COP1: variants seen among roughly 807,000 people sequenced by gnomAD.
COP1 encodes the protein COP1 E3 ubiquitin ligase.
In COP1, 24 loss-of-function variants were observed where a neutral mutation model predicts 101.3. The ratio of observed to expected loss-of-function variants is 0.24; its 90% CI spans 0.17 to 0.33. The LOEUF (loss-of-function observed/expected upper bound fraction) is 0.33, where lower values mean the gene tolerates loss of function less well. Ranked by LOEUF, COP1 falls within the 10% of genes least tolerant of loss-of-function variation. COP1 has a pLI of 1.00. For synonymous variants in COP1, 347 were observed against 341.9 expected (o/e 1.01, Z -0.17); for missense variants, 663 against 906.2 (o/e 0.73, Z 3.45).
chr1:176,158,411 G>A (rs1356060815), intron 5 of COP1, among the ~76,000 whole-genome samples: 1 of 151,896 alleles, frequency 6.6e-6, no homozygotes, highest in Non-Finnish European at 1.5e-5. Flanking sequence ...TGAGGCTAAA[G>A]GAAAATAACA....
intron 1 of COP1, among the ~76,000 whole-genome samples, chr1:176,201,096 G>C (rs534021992): frequency 9.2e-5 from 14 of 152,178 alleles, no homozygotes; most frequent in Non-Finnish European, 1.6e-4. Context: ...ATGACTATCA[G>C]AGGAAATGCT....
At chr1:176,101,195 G>A (rs1683341589) in intron 9 of COP1, among the ~76,000 whole-genome samples, 1 of 152,116 alleles carries the variant, frequency 6.6e-6, no homozygotes. Context: ...ACACCCATGG[G>A]TGGCACCCTA....
chr1:176,022,374 C>T (rs1056071028), intron 15 of COP1, among the ~76,000 whole-genome samples: 10 of 152,082 alleles, frequency 6.6e-5, no homozygotes, highest in Non-Finnish European at 1.2e-4. Flanking sequence ...TTCTACCTCT[C>T]AAAACTCCAA....
chr1:176,101,888 A>G (rs912806140), intron 9 of COP1, among the ~76,000 whole-genome samples: 2 of 152,168 alleles, frequency 1.3e-5, no homozygotes, highest in African/African-American at 4.8e-5. Flanking sequence ...GTCAGCAGGA[A>G]GCAGTTAAGA....
intron 18 of COP1, among the ~76,000 whole-genome samples, chr1:175,971,398 T>C (rs1653207275): frequency 6.6e-6 from 1 of 152,214 alleles, no homozygotes; most frequent in Admixed American, 6.5e-5. Flanking sequence ...TAAGCAAATA[T>C]ACAAACAGAA....
intron 5 of COP1, among the ~76,000 whole-genome samples, chr1:176,161,344 C>T (rs1192697694): frequency 1.3e-5 from 2 of 152,020 alleles, no homozygotes; most frequent in Non-Finnish European, 2.9e-5. Context: ...ATCCCAGCAC[C>T]CTGGGAGGCT....
At chr1:175,954,015 G>A (rs1453154902) in intron 18 of COP1, among the ~76,000 whole-genome samples, 1 of 152,086 alleles carries the variant, frequency 6.6e-6, no homozygotes, top group African/African-American at 2.4e-5. Context: ...TCAAATGCAT[G>A]CGTACTAGTC....
chr1:176,077,555 G>A (rs1194759637), intron 11 of COP1, among the ~76,000 whole-genome samples: 2 of 152,042 alleles, frequency 1.3e-5, no homozygotes, highest in African/African-American at 2.4e-5. Context: ...ATAGTGAATG[G>A]GCAAAAGCTG....
At chr1:176,037,559 C>A (rs1669787293) in intron 14 of COP1, among the ~76,000 whole-genome samples, 1 of 147,728 alleles carries the variant, frequency 6.8e-6, no homozygotes, top group Non-Finnish European at 1.5e-5. Context: ...AAAAAACAAA[C>A]AAACAAAAAA....
chr1:176,034,978 C>G (rs915721530), intron 14 of COP1, among the ~76,000 whole-genome samples: 39 of 152,280 alleles, frequency 2.6e-4, no homozygotes, highest in Admixed American at 2.1e-3. Flanking sequence ...ATTTCCCACA[C>G]AATTTAAACA....
At position 176,081,294 on chromosome 1, in the gene COP1, G is replaced by GA. The variant is rs56720201; in HGVS notation, c.1142-8dup. The GA allele has an allele frequency of 0.084, 105,194 of 1,255,060 alleles. 117 individuals are homozygous for GA. Among genetic ancestry groups the GA allele is most frequent in the Non-Finnish European group, 0.09 (85,436 of 952,888 alleles). 77.7% of individuals were successfully genotyped at this position (1,255,060 alleles called of 1,614,324 possible). A position where few individuals can be genotyped will look rare whatever the true frequency, so the allele number is the denominator to read the frequency against. On this transcript the variant is annotated splice_region_variant and splice_polypyrimidine_tract_variant and intron_variant, in intron 10 of 19. Transcript: ENST00000367669. ...CTTGCAGTTCGACTGTCATCTATAT[G>GA]AAAAAAAAAAAAAAAAGACAAAACA...
At chr1:176,151,910 C>G (rs74127194) in intron 5 of COP1, among the ~76,000 whole-genome samples, 67 of 150,616 alleles carry the variant, frequency 4.4e-4, no homozygotes, top group African/African-American at 1.6e-3. Context: ...GTTCACTCTA[C>G]AACAGTTGTC....
intron 14 of COP1, among the ~76,000 whole-genome samples, chr1:176,033,703 G>A (rs375283072): frequency 2.6e-5 from 4 of 151,972 alleles, no homozygotes; most frequent in Admixed American, 6.5e-5. Context: ...ATGTAATTAC[G>A]TGCATATATA....
chr1:176,152,317 A>C (rs1351903174), intron 5 of COP1, among the ~76,000 whole-genome samples: 1 of 152,150 alleles, frequency 6.6e-6, no homozygotes, highest in East Asian at 1.9e-4. Context: ...AAAAACAATT[A>C]AAAATTGAAA....
chr1:176,027,527 AT>A lies in COP1; in HGVS notation c.1729+44del, dbSNP rs771395049. On this transcript the variant is annotated intron_variant, in intron 15 of 19. Transcript: ENST00000367669. ...AATGCTCTCCTATCCTTACCATGAT[AT>A]TTAACCAACATCAAAGGAAGACAAA... 4.2e-4 allele frequency: 461 copies of A among 1,108,822 alleles called. 5 individuals are homozygous for A. The highest frequency in any genetic ancestry group is 1.5e-3 in the South Asian group (124 of 80,822). The allele number at this position is 1,108,822 out of a possible 1,614,324, so 68.7% of individuals were successfully genotyped here.
chr1:176,084,851 T>C (rs1389537444), intron 10 of COP1, among the ~76,000 whole-genome samples: 1 of 14,468 alleles, frequency 6.9e-5, no homozygotes, highest in Admixed American at 1.2e-3. Flanking sequence ...AATACCAGAC[T>C]TTTTTTTTTC....
intron 5 of COP1, among the ~76,000 whole-genome samples, chr1:176,149,570 T>C (rs1202399185): frequency 6.6e-6 from 1 of 152,162 alleles, no homozygotes; most frequent in Non-Finnish European, 1.5e-5. Context: ...TGAGAATATA[T>C]TTCTATGGAA....
At chr1:176,195,984 T>A (rs1039938310) in intron 1 of COP1, among the ~76,000 whole-genome samples, 3 of 152,196 alleles carry the variant, frequency 2.0e-5, no homozygotes, top group Non-Finnish European at 4.4e-5. Flanking sequence ...TATACCCACG[T>A]AACAAACCTG....
At chr1:175,968,273 A>C (rs1462512936) in intron 18 of COP1, 1 of 263,530 alleles carries the variant, frequency 3.8e-6, no homozygotes, top group South Asian at 4.3e-5. Context: ...CTCAAAAACC[A>C]GTTCAGACGG....
Sources: gnomAD v4.1 joint callset for allele counts (sites outside exome capture counted in the v4.1 genomes callset) on GRCh38, gnomAD v4.1.1 for gene constraint, MANE v1.5 for transcripts, NCBI Gene and HGNC (gene_info 2026-07-23, HGNC 2026-07-21) for gene names.